Variants in XRCC4 observed in about 807,000 individuals in gnomAD.
XRCC4 encodes X-ray repair cross complementing 4.
Under a neutral mutation model 39.1 loss-of-function variants are expected in XRCC4, and 28 were observed. That is an observed-to-expected ratio of 0.72 (90% CI 0.53 to 0.98). XRCC4 has a LOEUF of 0.98. XRCC4 is among the 50% of genes least tolerant of loss of function. The pLI, the probability that XRCC4 is intolerant of heterozygous loss-of-function variation, is 0.00. For synonymous variants in XRCC4, 123 were observed against 126.4 expected, an observed-to-expected ratio of 0.97 and a Z score of 0.18; for missense variants, 350 against 376.4, an observed-to-expected ratio of 0.93 and a Z score of 0.58.
chr5:83,203,789 C>T lies in XRCC4; in HGVS notation c.638+82C>T, dbSNP rs1277056269. ...TCCCAAAGTTAATGAACATTAGATG[C>T]CAACTTTTTGATCATATGAGATAAT... On this transcript the variant is annotated intron_variant, in intron 5 of 7. Transcript: ENST00000396027. 3.3e-6 allele frequency: 5 copies of T among 1,509,266 alleles called. No individual in the cohort carries two copies. The African/African-American group carries it at 7.0e-5, about 21-fold the overall frequency. 93.5% of individuals were successfully genotyped at this position (1,509,266 alleles called of 1,614,324 possible).
At chr5:83,363,538 G>A in the XRCC4 span, among the ~76,000 whole-genome samples, 1 of 152,128 alleles carries the variant, frequency 6.6e-6, no homozygotes, top group Non-Finnish European at 1.5e-5. Context: ...ATCCGCCGAT[G>A]CTATTCCCAG....
At chr5:83,286,398 G>T (rs1754734125) in intron 7 of XRCC4, among the ~76,000 whole-genome samples, 1 of 152,060 alleles carries the variant, frequency 6.6e-6, no homozygotes, top group Non-Finnish European at 1.5e-5. Flanking sequence ...CTACATTCAT[G>T]ATAGCCATAA....
At chr5:83,104,594 C>T (rs1237451411) in intron 1 of XRCC4, among the ~76,000 whole-genome samples, 2 of 151,978 alleles carry the variant, frequency 1.3e-5, no homozygotes, top group Non-Finnish European at 2.9e-5. Flanking sequence ...CTGGGATTAC[C>T]GGTGTGAGAC....
chr5:83,131,079 T>C (rs1200091356), intron 3 of XRCC4, among the ~76,000 whole-genome samples: 2 of 152,180 alleles, frequency 1.3e-5, no homozygotes, highest in Admixed American at 6.5e-5. Flanking sequence ...CAATTTTGGA[T>C]CTTTCTTGCT....
chr5:83,373,092 G>GA, the XRCC4 span, among the ~76,000 whole-genome samples: 7 of 151,888 alleles, frequency 4.6e-5, no homozygotes, highest in South Asian at 1.5e-3. Flanking sequence ...TTCCTTTGGT[G>GA]AAAAAAGGGA....
chr5:83,280,387 C>A (rs982941035), intron 7 of XRCC4: 3 of 552,614 alleles, frequency 5.4e-6, no homozygotes, highest in Admixed American at 5.8e-5. Context: ...TCTTAAAATT[C>A]TTCTCTCTGA....
chr5:83,113,941 A>C lies in XRCC4; in HGVS notation c.315+2738A>C, dbSNP rs990928276. ...GCACCCAGCGCAGACATTTCTATAC[A>C]TCATCTGAAATCTAGGCAGAGGTTC... On this transcript the variant is annotated intron_variant, in intron 3 of 7. Coordinates refer to ENST00000396027, the MANE Select transcript of XRCC4 (RefSeq NM_003401.5). Among the ~76,000 whole-genome samples the C allele has an allele frequency of 3.2e-4, 49 of 152,256 alleles. 1 individual carries two copies. The highest frequency in any genetic ancestry group is 1.2e-3 in the African/African-American group (48 of 41,564).
intron 3 of XRCC4, among the ~76,000 whole-genome samples, chr5:83,113,641 G>A (rs1255166660): frequency 6.8e-6 from 1 of 148,118 alleles, no homozygotes; most frequent in Non-Finnish European, 1.5e-5. Flanking sequence ...TTTTTTTTGA[G>A]ACGGAGTCTC....
intron 3 of XRCC4, among the ~76,000 whole-genome samples, chr5:83,157,085 G>C (rs186006654): frequency 6.6e-6 from 1 of 152,108 alleles, no homozygotes. Flanking sequence ...TACAAAGAAC[G>C]TGAGGATTAA....
intron 3 of XRCC4, among the ~76,000 whole-genome samples, chr5:83,112,768 A>T (rs78951262): frequency 8.1e-6 from 1 of 123,092 alleles, no homozygotes; most frequent in African/African-American, 3.2e-5. Context: ...TTATAAAATC[A>T]TTAGATCTCA....
At chr5:83,327,677 A>G (rs1357879432) in intron 7 of XRCC4, among the ~76,000 whole-genome samples, 1 of 152,088 alleles carries the variant, frequency 6.6e-6, no homozygotes, top group African/African-American at 2.4e-5. Flanking sequence ...AAAAAGTTTA[A>G]TTTATTTCAG....
At chr5:83,148,663 A>G (rs1032705288) in intron 3 of XRCC4, among the ~76,000 whole-genome samples, 4 of 152,198 alleles carry the variant, frequency 2.6e-5, no homozygotes, top group African/African-American at 9.6e-5. Flanking sequence ...CCTCGTTTAT[A>G]TAACTTTACA....
chr5:83,200,459 AC>A (rs1188167591), intron 4 of XRCC4, among the ~76,000 whole-genome samples: 1 of 152,232 alleles, frequency 6.6e-6, no homozygotes, highest in Admixed American at 6.5e-5. Context: ...TCCTTTGACA[AC>A]ATAGATCTGA....
intron 7 of XRCC4, among the ~76,000 whole-genome samples, chr5:83,309,142 G>A (rs1005249055): frequency 6.7e-5 from 10 of 150,266 alleles, no homozygotes; most frequent in African/African-American, 1.7e-4. Flanking sequence ...AGCCATGCAC[G>A]GTGGTGGGTG....
intron 3 of XRCC4, among the ~76,000 whole-genome samples, chr5:83,131,147 C>T (rs1747556240): frequency 6.6e-6 from 1 of 152,158 alleles, no homozygotes; most frequent in Non-Finnish European, 1.5e-5. Context: ...TTAAATGTGT[C>T]CCAGAGATTC....
intron 3 of XRCC4, among the ~76,000 whole-genome samples, chr5:83,111,412 G>A (rs1746440807): frequency 6.6e-6 from 1 of 152,000 alleles, no homozygotes; most frequent in Non-Finnish European, 1.5e-5. Flanking sequence ...ATTGGAAAAT[G>A]TGTTTAGTTT....
chr5:83,151,952 C>CT (rs2112555427), intron 3 of XRCC4, among the ~76,000 whole-genome samples: 1 of 152,334 alleles, frequency 6.6e-6, no homozygotes, highest in African/African-American at 2.4e-5. Context: ...CATCACATCA[C>CT]TACAGACTTG....
intron 7 of XRCC4, among the ~76,000 whole-genome samples, chr5:83,287,409 G>T (rs944062350): frequency 2.0e-5 from 3 of 152,030 alleles, no homozygotes; most frequent in African/African-American, 7.2e-5. Flanking sequence ...AAATGTTAAT[G>T]TGAAGGAGAA....
chr5:83,214,366 G>C (rs1561409010), intron 6 of XRCC4, among the ~76,000 whole-genome samples: 1 of 152,080 alleles, frequency 6.6e-6, no homozygotes, highest in Non-Finnish European at 1.5e-5. Context: ...CAGTGTACAA[G>C]ATCAATATAC....
Sources: gnomAD v4.1 joint callset for allele counts (sites outside exome capture counted in the v4.1 genomes callset) on GRCh38, gnomAD v4.1.1 for gene constraint, MANE v1.5 for transcripts, NCBI Gene and HGNC (gene_info 2026-07-23, HGNC 2026-07-21) for gene names.